The following ACTR1A variants were observed in gnomAD, a reference collection of about 807,000 sequenced individuals.
ACTR1A encodes the protein actin related protein 1A.
In ACTR1A, 10 loss-of-function variants were observed where a neutral mutation model predicts 50.7. The ratio of observed to expected loss-of-function variants is 0.20; its 90% CI spans 0.12 to 0.33. ACTR1A has a LOEUF of 0.33. Among genes scored for constraint, ACTR1A ranks in the 10% least tolerant of loss-of-function variants. The pLI, the probability that ACTR1A is intolerant of heterozygous loss-of-function variation, is 1.00. For missense variants in ACTR1A, 253 were observed against 491.7 expected (o/e 0.51, Z 4.59); for synonymous variants, 177 against 184.2 (o/e 0.96, Z 0.32).
At chr10:102,481,716 G>A (rs563300326) in intron 9 of ACTR1A, 121 bp downstream of exon 9, 9 of 1,188,576 alleles carry the variant, frequency 7.6e-6, no homozygotes, top group South Asian at 2.6e-5. Context: ...GGAACCTGGC[G>A]CTGCTTGTAG....
rs2062178704 is a variant in ACTR1A, at chr10:102,488,346, C to A, written c.190-71G>T. The A allele has an allele frequency of 9.5e-6, 15 of 1,583,576 alleles. No homozygotes were observed. The East Asian group carries it at 3.4e-4, about 36-fold the overall frequency. Reference sequence around the variant, plus strand: ...AGGACCCTGTTCTCCCAAGACTAAGCAGTGCAAGCTGAATCCCTTGCAAAG... The same window carrying A: ...AGGACCCTGTTCTCCCAAGACTAAGAAGTGCAAGCTGAATCCCTTGCAAAG... On this transcript the variant is annotated intron_variant, in intron 3 of 10. Coordinates refer to ENST00000369905, the MANE Select transcript of ACTR1A (RefSeq NM_005736.4). This position sits in a 1 kb window ranked among gnomAD's most constrained non-coding sequence, Gnocchi z 4.4.
chr10:102,486,487 C>T (rs150032145), intron 4 of ACTR1A, among the ~76,000 whole-genome samples: 7 of 151,964 alleles, frequency 4.6e-5, no homozygotes, highest in Non-Finnish European at 1.0e-4. Flanking sequence ...GTCGGGAGTT[C>T]GAGACCAGCC....
At chr10:102,484,117 C>T (rs1251127484) in intron 6 of ACTR1A, 43 bp downstream of exon 6, 1 of 1,600,612 alleles carries the variant, frequency 6.2e-7, no homozygotes, top group African/African-American at 1.3e-5. Flanking sequence ...GTGCTATGCT[C>T]CCAACCCCCA....
At chr10:102,499,602 G>A (rs563529179) in intron 1 of ACTR1A, among the ~76,000 whole-genome samples, 84 of 152,296 alleles carry the variant, frequency 5.5e-4, no homozygotes, top group Non-Finnish European at 1.0e-3. Context: ...AAAGAAAATG[G>A]CCGGAGATGG....
chr10:102,484,973 T>G (rs888953104), intron 5 of ACTR1A, among the ~76,000 whole-genome samples: 2 of 152,274 alleles, frequency 1.3e-5, no homozygotes, highest in Non-Finnish European at 2.9e-5. Flanking sequence ...CAGCTGATTT[T>G]TGCCCTGTGG....
intron 1 of ACTR1A, among the ~76,000 whole-genome samples, chr10:102,494,268 G>A (rs2062208978): frequency 6.6e-6 from 1 of 152,152 alleles, no homozygotes; most frequent in Non-Finnish European, 1.5e-5. Context: ...GCCGAGGCAC[G>A]CAAATCACTT....
chr10:102,479,432 G>A lies in ACTR1A; in HGVS notation c.*1431C>T. 2 of 392,624 alleles carry A rather than the reference G, an allele frequency of 5.1e-6. No homozygotes were observed. Among genetic ancestry groups the A allele is most frequent in the South Asian group, 2.0e-5 (1 of 49,842 alleles). 24.3% of individuals were successfully genotyped at this position (392,624 alleles called of 1,614,324 possible). A position where few individuals can be genotyped will look rare whatever the true frequency, so the allele number is the denominator to read the frequency against. ...ACCTGGCAGGGGCCTTTGGTCATAG[G>A]ACGGCGTGGGGGAGAATACTGTGTG... On this transcript the variant is annotated 3_prime_UTR_variant, in exon 11 of 11. Coordinates refer to ENST00000369905, the MANE Select transcript of ACTR1A (RefSeq NM_005736.4). This position sits in a 1 kb window ranked among gnomAD's most constrained non-coding sequence, Gnocchi z 4.0.
intron 4 of ACTR1A, among the ~76,000 whole-genome samples, chr10:102,486,470 A>C (rs2062168583): frequency 6.6e-6 from 1 of 152,034 alleles, no homozygotes; most frequent in Non-Finnish European, 1.5e-5. Flanking sequence ...CGTGCGGATC[A>C]TCTGAGGTCG....
Position 102,489,089 on chromosome 10 carries a change from C to T in ACTR1A, c.163G>A (p.Asp55Asn), listed in dbSNP as rs750233235. The change falls in exon 3 of 11, where the codon GAC becomes AAC. Residue 55 changes from aspartate to asparagine, a missense_variant. Coordinates refer to ENST00000369905, the MANE Select transcript of ACTR1A (RefSeq NM_005736.4). ...TCAGCTTTGGGGCCAATGAAGATGT[C>T]GCCTTCAAGGGCTCCTGCCATGACA... ...VRVMAGALEG[D>N]IFIGPKAEEH... 5 of 1,587,412 alleles carry T rather than the reference C, an allele frequency of 3.1e-6. No individual in the cohort carries two copies. Among genetic ancestry groups the T allele is most frequent in the East Asian group, 2.4e-5 (1 of 42,348 alleles).
intron 9 of ACTR1A, 144 bp from the exon 10 acceptor site, chr10:102,481,316 C>A: frequency 1.2e-6 from 1 of 845,432 alleles, no homozygotes; most frequent in Non-Finnish European, 1.7e-6. Context: ...CTGTGGCCAG[C>A]CTGCCACTCA....
rs2062145333 is a variant in ACTR1A at position 102,482,024 on chromosome 10, G to A, written c.902C>T (p.Ser301Leu). 1.2e-6 allele frequency: 2 copies of A among 1,614,094 alleles called. No homozygotes were observed. The highest frequency in any genetic ancestry group is 1.7e-6 in the Non-Finnish European group (2 of 1,180,052). The change falls in exon 8 of 11, where the codon TCA becomes TTA. Residue 301 changes from serine to leucine, a missense_variant. By Grantham distance (145) the Ser-to-Leu change is moderately radical. Around this residue, in one of 4 missense-constraint regions of ACTR1A, gnomAD observed 27 missense variants for 80.7 expected, o/e 0.33. Transcript: ENST00000369905. This position sits in a 1 kb window ranked among gnomAD's most constrained non-coding sequence, Gnocchi z 5.6. Reference protein sequence around the residue: ...RRTLFSNIVLSGGSTLFKGFG... With the variant: ...RRTLFSNIVLLGGSTLFKGFG... Reference sequence around the variant, plus strand: ...ACCTTTGAACAGGGTAGAGCCTCCTGAGAGGACAATGTTAGAGAAAAGCGT... The same window carrying A: ...ACCTTTGAACAGGGTAGAGCCTCCTAAGAGGACAATGTTAGAGAAAAGCGT...
At position 102,482,459 on chromosome 10, in the gene ACTR1A, C is replaced by T; in HGVS notation, c.751-284G>A. The stretch of plus-strand genomic sequence containing the variant: ...TTTGCTCATGGAAACGTCTTCCTAG[C>T]AATGGGGGTTCAAGGGAGTGGTAAC... On this transcript the variant is annotated intron_variant, in intron 7 of 10. Coordinates refer to ENST00000369905, the MANE Select transcript of ACTR1A (RefSeq NM_005736.4). The surrounding 1 kb of genome is among the most constrained non-coding windows in gnomAD (Gnocchi z 5.6). The T allele has an allele frequency of 2.2e-6, 1 of 462,670 alleles. No individual in the cohort carries two copies. Among genetic ancestry groups the T allele is most frequent in the African/African-American group, 2.0e-5 (1 of 51,046 alleles). 28.7% of individuals were successfully genotyped at this position (462,670 alleles called of 1,614,324 possible). A position where few individuals can be genotyped will look rare whatever the true frequency, so the allele number is the denominator to read the frequency against.
In ACTR1A at chr10:102,489,429, C is replaced by T. The variant is rs577596599; in HGVS notation, c.114-291G>A. On this transcript the variant is annotated intron_variant, in intron 2 of 10. Transcript: ENST00000369905. ...TCTCTTTCTGCAGTGTATGAACAGA[C>T]CAAGAAAGATGAGGAAATGAGAATT... 2.6e-5 allele frequency among the ~76,000 whole-genome samples: 4 copies of T among 152,120 alleles called. No homozygotes were observed. The South Asian group carries it at 8.3e-4, about 32-fold the overall frequency.
chr10:102,495,710 CAG>C (rs1179508138), intron 1 of ACTR1A, among the ~76,000 whole-genome samples: 2 of 149,598 alleles, frequency 1.3e-5, no homozygotes, highest in Non-Finnish European at 1.5e-5. Context: ...GCCTGGGCGA[CAG>C]AGACAGCCTC....
chr10:102,485,232 T>C (rs1365887343), intron 5 of ACTR1A, among the ~76,000 whole-genome samples: 1 of 152,094 alleles, frequency 6.6e-6, no homozygotes, highest in Non-Finnish European at 1.5e-5. Context: ...CGGATCATGG[T>C]TGTCTCACAG....
chr10:102,498,922 C>T (rs753055928), intron 1 of ACTR1A, among the ~76,000 whole-genome samples: 2 of 152,144 alleles, frequency 1.3e-5, no homozygotes, highest in Non-Finnish European at 2.9e-5. Flanking sequence ...TAAAAAATAT[C>T]TATCATCATA....
rs558164702 is a variant in ACTR1A at position 102,491,932 on chromosome 10, A to AT, written c.49-1320dup. The stretch of plus-strand genomic sequence containing the variant: ...AGGTGCCCACCAGCATGCCTGGCTA[A>AT]TTTTTTTTTTTTTTTTTTAGTAGAG... On this transcript the variant is annotated intron_variant, in intron 1 of 10. Transcript: ENST00000369905. 5.7e-3 allele frequency among the ~76,000 whole-genome samples: 772 copies of AT among 134,524 alleles called. 9 individuals carry two copies. The highest frequency in any genetic ancestry group is 0.014 in the African/African-American group (510 of 35,906). 88.3% of individuals were successfully genotyped at this position (134,524 alleles called of 152,430 possible).
intron 4 of ACTR1A, among the ~76,000 whole-genome samples, chr10:102,486,519 G>A (rs1016507382): frequency 4.6e-5 from 7 of 151,910 alleles, no homozygotes; most frequent in Non-Finnish European, 8.8e-5. Flanking sequence ...GAGAAACCCC[G>A]TCTCTACTAA....
At chr10:102,500,596 C>A (rs1269470574) in intron 1 of ACTR1A, among the ~76,000 whole-genome samples, 43 of 131,344 alleles carry the variant, frequency 3.3e-4, no homozygotes, top group African/African-American at 1.3e-3. Context: ...AACAAACAAA[C>A]AAACAAACAA....
Sources: gnomAD v4.1 joint callset for allele counts (sites outside exome capture counted in the v4.1 genomes callset) on GRCh38, gnomAD v4.1.1 for gene constraint, gnomAD v4.1.1 regional missense constraint, Gnocchi (gnomAD v3.1) non-coding constraint, MANE v1.5 for transcripts, NCBI Gene and HGNC (gene_info 2026-07-23, HGNC 2026-07-21) for gene names.